Variants in PDZRN3 observed in about 807,000 individuals in gnomAD.
PDZRN3 encodes E3 ubiquitin-protein ligase PDZRN3.
Under a neutral mutation model 85.7 loss-of-function variants are expected in PDZRN3, and 38 were observed. That is an observed-to-expected ratio of 0.44 (90% CI 0.34 to 0.58). The LOEUF (loss-of-function observed/expected upper bound fraction) is 0.58. Ranked by LOEUF, PDZRN3 falls within the 20% of genes least tolerant of loss-of-function variation. The pLI, the probability that PDZRN3 is intolerant of heterozygous loss-of-function variation, is 0.01. For missense variants in PDZRN3, 1,629 were observed against 1,506.4 expected (o/e 1.08, Z -1.35); for synonymous variants, 759 against 638.0 (o/e 1.19, Z -2.86).
intron 3 of PDZRN3, among the ~76,000 whole-genome samples, chr3:73,406,913 C>T (rs1359894991): frequency 6.6e-6 from 1 of 152,228 alleles, no homozygotes. Context: ...TTCTTACAAA[C>T]ACTAGAGCAG....
At chr3:73,395,983 G>T (rs993096424) in intron 5 of PDZRN3, among the ~76,000 whole-genome samples, 1 of 152,160 alleles carries the variant, frequency 6.6e-6, no homozygotes, top group African/African-American at 2.4e-5. Flanking sequence ...AGCACTTTGG[G>T]AGGCCATTGC....
At chr3:73,614,852 A>G (rs1485004064) in intron 1 of PDZRN3, among the ~76,000 whole-genome samples, 1 of 152,176 alleles carries the variant, frequency 6.6e-6, no homozygotes, top group Non-Finnish European at 1.5e-5. Flanking sequence ...TTAATGGTGA[A>G]GCAGTTTGGA....
At chr3:73,580,773 G>C (rs113847415) in intron 3 of PDZRN3, among the ~76,000 whole-genome samples, 85 of 152,284 alleles carry the variant, frequency 5.6e-4, no homozygotes, top group African/African-American at 2.0e-3. Flanking sequence ...CCTACAAAAA[G>C]TGCATATGGA....
At chr3:73,615,547 G>C (rs1702748653) in intron 1 of PDZRN3, among the ~76,000 whole-genome samples, 1 of 152,118 alleles carries the variant, frequency 6.6e-6, no homozygotes, top group African/African-American at 2.4e-5. Flanking sequence ...CCCTTATAAA[G>C]GGGCCCAAGA....
intron 3 of PDZRN3, among the ~76,000 whole-genome samples, chr3:73,555,716 A>ATCG (rs1356124478): frequency 6.6e-6 from 1 of 152,208 alleles, no homozygotes; most frequent in Admixed American, 6.5e-5. Flanking sequence ...CTAGGAAAAG[A>ATCG]TCGAAGTTCA....
chr3:73,520,356 T>A (rs1472302895), intron 3 of PDZRN3, among the ~76,000 whole-genome samples: 1 of 151,556 alleles, frequency 6.6e-6, no homozygotes, highest in African/African-American at 2.4e-5. Flanking sequence ...AATGAAAAAA[T>A]AGCTGGGTGT....
chr3:73,388,744 A>G (rs576782728), intron 7 of PDZRN3, among the ~76,000 whole-genome samples: 12 of 151,930 alleles, frequency 7.9e-5, no homozygotes, highest in African/African-American at 2.7e-4. Context: ...TACACTAGTG[A>G]GCCAACAGGC....
At chr3:73,455,234 T>C (rs1702955402) in intron 3 of PDZRN3, among the ~76,000 whole-genome samples, 2 of 152,336 alleles carry the variant, frequency 1.3e-5, no homozygotes, top group East Asian at 3.9e-4. Flanking sequence ...ATTTAATCCT[T>C]ACAATGACTT....
chr3:73,566,585 C>T (rs1575741706), intron 3 of PDZRN3, among the ~76,000 whole-genome samples: 1 of 152,160 alleles, frequency 6.6e-6, no homozygotes, highest in Non-Finnish European at 1.5e-5. Context: ...GCCTACTCAT[C>T]TCTTTGCTGC....
At position 73,383,098 on chromosome 3, in the gene PDZRN3, T is replaced by A. The variant is rs1029055413; in HGVS notation, c.*267A>T. The A allele has an allele frequency of 5.5e-6, 2 of 361,280 alleles. No individual in the cohort carries two copies. The highest frequency in any genetic ancestry group is 9.9e-6 in the Non-Finnish European group (2 of 201,624). 22.4% of individuals were successfully genotyped at this position (361,280 alleles called of 1,614,324 possible). ...ATCTTTCTGAAATTTAAACACTTTA[T>A]GTAAAAGGGTACAGGTAGAAAAGTA... is the stretch of plus-strand genomic sequence containing the variant. On this transcript the variant is annotated 3_prime_UTR_variant, in exon 10 of 10. Transcript: ENST00000263666.
intron 3 of PDZRN3, among the ~76,000 whole-genome samples, chr3:73,573,168 C>T (rs1205810541): frequency 6.6e-6 from 1 of 152,154 alleles, no homozygotes. Context: ...AGACAAGACC[C>T]CAGAACATAT....
At chr3:73,407,609 A>C (rs888628319) in intron 3 of PDZRN3, among the ~76,000 whole-genome samples, 7 of 152,198 alleles carry the variant, frequency 4.6e-5, no homozygotes. Flanking sequence ...TAATTAGTGA[A>C]AATCCTTCTC....
At chr3:73,590,641 T>C (rs1168823790) in intron 3 of PDZRN3, among the ~76,000 whole-genome samples, 1 of 152,246 alleles carries the variant, frequency 6.6e-6, no homozygotes, top group Admixed American at 6.5e-5. Context: ...TTGAGAGTAT[T>C]AAAAAGTTTC....
intron 3 of PDZRN3, among the ~76,000 whole-genome samples, chr3:73,463,635 T>C (rs1025258906): frequency 3.3e-5 from 5 of 152,140 alleles, no homozygotes; most frequent in Admixed American, 1.3e-4. Flanking sequence ...CTCAAATACC[T>C]AGAGACAGAA....
intron 3 of PDZRN3, among the ~76,000 whole-genome samples, chr3:73,463,952 T>A (rs747481320): frequency 1.1e-3 from 161 of 151,930 alleles, no homozygotes; most frequent in Non-Finnish European, 1.2e-3. Context: ...TTAAAAGTTT[T>A]AAAAAAAAGT....
chr3:73,507,293 C>T (rs765796902), intron 3 of PDZRN3, among the ~76,000 whole-genome samples: 3 of 152,138 alleles, frequency 2.0e-5, no homozygotes, highest in Admixed American at 6.5e-5. Context: ...CTCAGCCTCC[C>T]GAGTAGCTGG....
intron 3 of PDZRN3, among the ~76,000 whole-genome samples, chr3:73,590,401 T>C (rs1047732733): frequency 2.6e-5 from 4 of 152,222 alleles, no homozygotes; most frequent in Non-Finnish European, 4.4e-5. Context: ...AACAATTCTC[T>C]GAGAAAACAA....
intron 3 of PDZRN3, among the ~76,000 whole-genome samples, chr3:73,441,072 A>G (rs1702626044): frequency 6.6e-6 from 1 of 152,206 alleles, no homozygotes; most frequent in African/African-American, 2.4e-5. Context: ...GTGGGTCAAG[A>G]GGCAAAATCA....
intron 3 of PDZRN3, among the ~76,000 whole-genome samples, chr3:73,453,293 C>A (rs2106847027): frequency 6.6e-6 from 1 of 151,512 alleles, no homozygotes; most frequent in African/African-American, 2.4e-5. Context: ...GTAGTCCCAG[C>A]TACTTGGGAG....
Sources: gnomAD v4.1 joint callset for allele counts (sites outside exome capture counted in the v4.1 genomes callset) on GRCh38, gnomAD v4.1.1 for gene constraint, MANE v1.5 for transcripts, NCBI Gene and HGNC (gene_info 2026-07-23, HGNC 2026-07-21) for gene names.